Variants in NXN observed in about 807,000 individuals in gnomAD.
NXN encodes nucleoredoxin.
NXN carries 16 observed loss-of-function variants against 48.6 expected under a neutral mutation model. That is an observed-to-expected ratio of 0.33 (90% CI 0.22 to 0.50). The LOEUF is 0.50. Among genes scored for constraint, NXN ranks in the 20% least tolerant of loss-of-function variants. NXN has a pLI of 0.98. For synonymous variants in NXN, 281 were observed against 269.6 expected (o/e 1.04, Z -0.41); for missense variants, 492 against 605.5 (o/e 0.81, Z 1.97).
At chr17:804,999 T>TC in intron 6 of NXN, 69 bp downstream of exon 6, 1 of 1,488,442 alleles carries the variant, frequency 6.7e-7, no homozygotes, top group Non-Finnish European at 9.1e-7. Flanking sequence ...GACAGGCTCC[T>TC]CCCAAGTGAG....
chr17:877,673 G>A (rs1450318980), intron 1 of NXN, among the ~76,000 whole-genome samples: 2 of 152,184 alleles, frequency 1.3e-5, no homozygotes, highest in East Asian at 3.8e-4. Flanking sequence ...AAGATGCTTA[G>A]AACAATGTCT....
chr17:979,307 C>A lies in NXN; in HGVS notation c.360+12G>T. 7.1e-7 allele frequency: 1 copy of A among 1,406,892 alleles called. No homozygotes were observed. The highest frequency in any genetic ancestry group is 9.3e-7 in the Non-Finnish European group (1 of 1,075,760). 87.2% of individuals were successfully genotyped at this position (1,406,892 alleles called of 1,614,324 possible). A position where few individuals can be genotyped will look rare whatever the true frequency, so the allele number is the denominator to read the frequency against. On this transcript the variant is annotated intron_variant, in intron 1 of 7. Coordinates refer to ENST00000336868, the MANE Select transcript of NXN (RefSeq NM_022463.5). ...GGGGCGGGCAGGGGCCGGCGAGGCC[C>A]GCGCCGCTCACCTTCCTGTGCTTCT...
At chr17:813,930 T>C (rs1460209738) in intron 5 of NXN, among the ~76,000 whole-genome samples, 11 of 145,198 alleles carry the variant, frequency 7.6e-5, no homozygotes, top group Non-Finnish European at 1.3e-4. Flanking sequence ...TGTGCCAATG[T>C]ACTCCAGCCT....
intron 1 of NXN, among the ~76,000 whole-genome samples, chr17:968,440 G>A (rs967882372): frequency 3.9e-5 from 6 of 152,178 alleles, no homozygotes; most frequent in African/African-American, 1.2e-4. Flanking sequence ...CGGCGTGGTG[G>A]TGCACACCTG....
At chr17:855,129 A>T (rs2067971789) in intron 1 of NXN, among the ~76,000 whole-genome samples, 1 of 152,110 alleles carries the variant, frequency 6.6e-6, no homozygotes, top group South Asian at 2.1e-4. Flanking sequence ...GTAAAACATT[A>T]GCTGGGTGTG....
At chr17:953,709 T>C (rs753087688) in intron 1 of NXN, among the ~76,000 whole-genome samples, 5 of 151,994 alleles carry the variant, frequency 3.3e-5, no homozygotes, top group Admixed American at 6.6e-5. Flanking sequence ...ATCCCAGAAC[T>C]TGGATTGCTT....
At chr17:954,135 T>C (rs1435026968) in intron 1 of NXN, among the ~76,000 whole-genome samples, 1 of 152,082 alleles carries the variant, frequency 6.6e-6, no homozygotes, top group South Asian at 2.1e-4. Context: ...CCAAGCACTT[T>C]GGGAGGCCGA....
chr17:811,353 A>G (rs1213840881), intron 5 of NXN, among the ~76,000 whole-genome samples: 1 of 152,220 alleles, frequency 6.6e-6, no homozygotes, highest in East Asian at 1.9e-4. Context: ...ACCTCCCTGC[A>G]AAGAGTGCCG....
intron 1 of NXN, among the ~76,000 whole-genome samples, chr17:921,158 G>A (rs971491936): frequency 5.3e-5 from 8 of 152,104 alleles, no homozygotes; most frequent in South Asian, 4.2e-4. Flanking sequence ...TCAGAGCAGC[G>A]GCTGGCACAC....
intron 1 of NXN, among the ~76,000 whole-genome samples, chr17:923,400 G>A (rs960621038): frequency 2.0e-5 from 3 of 152,162 alleles, no homozygotes; most frequent in Admixed American, 2.0e-4. Context: ...GCACATACCT[G>A]TAGTCCTAGC....
chr17:827,104 C>T (rs1458962150), intron 1 of NXN, among the ~76,000 whole-genome samples: 1 of 152,206 alleles, frequency 6.6e-6, no homozygotes, highest in East Asian at 1.9e-4. Context: ...CACCTGTGAT[C>T]CCAGCGCTTT....
intron 2 of NXN, among the ~76,000 whole-genome samples, chr17:824,079 G>A (rs1009100217): frequency 1.5e-5 from 2 of 137,428 alleles, no homozygotes; most frequent in African/African-American, 2.8e-5. Flanking sequence ...TCACTCTGTC[G>A]CCCCGGCTGG....
At position 825,488 on chromosome 17, in the gene NXN, G is replaced by A. The variant is rs9889259; in HGVS notation, c.478+473C>T. ...CGCGTAGCCAGCAAGACCAAGGCCC[G>A]CAGGGAGTGACAGCTCCAAGCAACG... On this transcript the variant is annotated intron_variant, in intron 2 of 7. Coordinates refer to ENST00000336868, the MANE Select transcript of NXN (RefSeq NM_022463.5). The surrounding 1 kb of genome is among the most constrained non-coding windows in gnomAD (Gnocchi z 4.1). 1,476 of 162,196 alleles carry A rather than the reference G, an allele frequency of 9.1e-3. 32 individuals are homozygous for A. Among genetic ancestry groups the A allele is most frequent in the African/African-American group, 0.034 (1,408 of 41,612 alleles). 10.0% of individuals were successfully genotyped at this position (162,196 alleles called of 1,614,324 possible).
rs1436918621 is a variant in NXN, at chr17:805,061, T to C, written c.1000+7A>G. On this transcript the variant is annotated splice_region_variant and intron_variant, in intron 6 of 7. Coordinates refer to ENST00000336868, the MANE Select transcript of NXN (RefSeq NM_022463.5). ...CCCCTCGCCCCCTGCCCCCGTGAGC[T>C]TCATACCTACAAAAAGGACGAGGCA... The C allele has an allele frequency of 6.4e-7, 1 of 1,553,584 alleles. No homozygotes were observed. Among genetic ancestry groups the C allele is most frequent in the Non-Finnish European group, 8.7e-7 (1 of 1,146,334 alleles).
chr17:957,898 T>C (rs1274939044), intron 1 of NXN, among the ~76,000 whole-genome samples: 3 of 152,010 alleles, frequency 2.0e-5, no homozygotes. Context: ...AAATCACACC[T>C]CCACGTCAGC....
chr17:843,041 AAAGAAAGAAAGAAAGAAGG>A (rs1567829104), intron 1 of NXN, among the ~76,000 whole-genome samples: 10 of 141,472 alleles, frequency 7.1e-5, no homozygotes, highest in South Asian at 6.6e-4. Flanking sequence ...AGAAAGAAAG[AAAGAAAGAAAGAAAGAAGG>A]AAGAAAGCAA....
At chr17:918,191 T>C (rs1190656765) in intron 1 of NXN, among the ~76,000 whole-genome samples, 1 of 152,188 alleles carries the variant, frequency 6.6e-6, no homozygotes, top group Non-Finnish European at 1.5e-5. Context: ...CCTCCTGTAA[T>C]CAAACAATCA....
chr17:947,033 G>C (rs553096973), intron 1 of NXN, among the ~76,000 whole-genome samples: 1 of 152,278 alleles, frequency 6.6e-6, no homozygotes, highest in South Asian at 2.1e-4. Context: ...GCCGCATGAG[G>C]AGAGACGATA....
At chr17:869,805 T>C (rs1238779178) in intron 1 of NXN, among the ~76,000 whole-genome samples, 1 of 152,238 alleles carries the variant, frequency 6.6e-6, no homozygotes, top group Non-Finnish European at 1.5e-5. Context: ...AGCTACGTCC[T>C]GCCAATTCTC....
Sources: allele counts gnomAD v4.1 joint callset (sites outside exome capture counted in the v4.1 genomes callset), GRCh38; gene constraint gnomAD v4.1.1; non-coding constraint Gnocchi (gnomAD v3.1); transcripts MANE v1.5; gene names NCBI Gene and HGNC (gene_info 2026-07-23, HGNC 2026-07-21).